Variants in SLC4A4 observed in about 807,000 individuals in gnomAD.
SLC4A4 encodes the protein solute carrier family 4 member 4.
SLC4A4 carries 27 observed loss-of-function variants against 111.5 expected under a neutral mutation model. That is an observed-to-expected ratio of 0.24 (90% CI 0.18 to 0.33). SLC4A4 has a LOEUF of 0.33. SLC4A4 is among the 10% of genes least tolerant of loss of function. The probability of loss-of-function intolerance (pLI) is 1.00; values close to 1 mark genes in which losing one functional copy is unlikely to be tolerated. For synonymous variants in SLC4A4, 443 were observed against 463.4 expected, an observed-to-expected ratio of 0.96 and a Z score of 0.57; for missense variants, 909 against 1,315.5, an observed-to-expected ratio of 0.69 and a Z score of 4.78.
intron 6 of SLC4A4, among the ~76,000 whole-genome samples, chr4:71,366,866 T>C (rs1731383865): frequency 6.6e-6 from 1 of 152,124 alleles, no homozygotes; most frequent in African/African-American, 2.4e-5. Context: ...ACACAGAGGG[T>C]CCAACAAATC....
At chr4:71,148,845 T>C in intron 2 of SLC4A4, among the ~76,000 whole-genome samples, 1 of 152,202 alleles carries the variant, frequency 6.6e-6, no homozygotes, top group East Asian at 1.9e-4. Context: ...TTGTGAATAG[T>C]GTACATATGC....
intron 16 of SLC4A4, among the ~76,000 whole-genome samples, chr4:71,512,765 G>T (rs147286943): frequency 6.6e-6 from 1 of 152,110 alleles, no homozygotes; most frequent in African/African-American, 2.4e-5. Flanking sequence ...TTATAGTTTT[G>T]GGTCTTACAT....
intron 1 of SLC4A4, among the ~76,000 whole-genome samples, chr4:71,075,793 G>A (rs1169136938): frequency 1.3e-5 from 2 of 151,808 alleles, no homozygotes; most frequent in African/African-American, 4.8e-5. Flanking sequence ...GTGAAACCCC[G>A]TCCCCACTAA....
At chr4:71,135,862 C>G (rs1743829615) in intron 2 of SLC4A4, among the ~76,000 whole-genome samples, 1 of 152,046 alleles carries the variant, frequency 6.6e-6, no homozygotes, top group Non-Finnish European at 1.5e-5. Flanking sequence ...TTCATTGAAA[C>G]CCAGGGAAGA....
At position 71,451,287 on chromosome 4, in the gene SLC4A4, G is replaced by A. The variant is rs1370124409; in HGVS notation, c.1308G>A (p.Leu436=). 4 of 1,607,824 alleles carry A rather than the reference G, an allele frequency of 2.5e-6. No individual in the cohort carries two copies. Among genetic ancestry groups the A allele is most frequent in the African/African-American group, 2.7e-5 (2 of 74,922 alleles). Residue 436 remains leucine, a synonymous_variant, in exon 11 of 26, where the codon TTG becomes TTA. Coordinates refer to ENST00000264485, the MANE Select transcript of SLC4A4 (RefSeq NM_001098484.3). ...GGGGHGDCEE[L]QRTGRFCGGL... ...GAGGACATGGGGATTGTGAAGAATT[G>A]CAGCGAACTGGACGGTAACTGACAG...
intron 2 of SLC4A4, among the ~76,000 whole-genome samples, chr4:71,095,275 T>C (rs1043033277): frequency 6.6e-6 from 1 of 152,116 alleles, no homozygotes; most frequent in Non-Finnish European, 1.5e-5. Flanking sequence ...TTTGATCACA[T>C]AAGAGCAGAG....
intron 16 of SLC4A4, among the ~76,000 whole-genome samples, chr4:71,515,623 A>C (rs778348579): frequency 6.6e-6 from 1 of 152,130 alleles, no homozygotes; most frequent in Non-Finnish European, 1.5e-5. Flanking sequence ...CAGGTCTAGT[A>C]ATATTTGCTT....
chr4:71,212,713 C>A (rs986895530), intron 1 of SLC4A4, among the ~76,000 whole-genome samples: 1 of 152,080 alleles, frequency 6.6e-6, no homozygotes, highest in African/African-American at 2.4e-5. Context: ...AATAGGGTAG[C>A]AGGTTTAGTT....
chr4:71,412,990 C>G (rs1295456845), intron 7 of SLC4A4, among the ~76,000 whole-genome samples: 1 of 152,072 alleles, frequency 6.6e-6, no homozygotes, highest in Non-Finnish European at 1.5e-5. Flanking sequence ...GTTAAGTAAC[C>G]ATAACCTACT....
chr4:71,209,228 G>A (rs1239780257), intron 1 of SLC4A4, among the ~76,000 whole-genome samples: 1 of 152,170 alleles, frequency 6.6e-6, no homozygotes, highest in Non-Finnish European at 1.5e-5. Flanking sequence ...AGTGTATTAT[G>A]TCTAACTTTT....
At chr4:71,556,980 C>G (rs1736530754) in intron 21 of SLC4A4, among the ~76,000 whole-genome samples, 1 of 152,034 alleles carries the variant, frequency 6.6e-6, no homozygotes. Context: ...CTGGCAAGGT[C>G]AATTCGGCAG....
intron 16 of SLC4A4, among the ~76,000 whole-genome samples, chr4:71,498,427 G>C (rs1393195682): frequency 6.6e-6 from 1 of 152,132 alleles, no homozygotes; most frequent in Non-Finnish European, 1.5e-5. Context: ...TAGGATGTCA[G>C]TATTTCTTAG....
intron 14 of SLC4A4, among the ~76,000 whole-genome samples, chr4:71,474,129 A>G (rs947399646): frequency 6.6e-6 from 1 of 151,798 alleles, no homozygotes; most frequent in African/African-American, 2.4e-5. Context: ...AAAAAAAAAA[A>G]AAAAAGAGAA....
intron 14 of SLC4A4, among the ~76,000 whole-genome samples, chr4:71,476,322 A>C (rs966294453): frequency 2.6e-5 from 4 of 151,802 alleles, no homozygotes; most frequent in African/African-American, 9.7e-5. Context: ...AGTTGCATAT[A>C]GAGCTCAAGT....
At chr4:71,149,179 G>C (rs1744253826) in intron 2 of SLC4A4, among the ~76,000 whole-genome samples, 1 of 152,180 alleles carries the variant, frequency 6.6e-6, no homozygotes, top group South Asian at 2.1e-4. Context: ...TACTCAGTGA[G>C]TTTAATTAGA....
At chr4:71,244,479 G>GT (rs1374922088) in intron 2 of SLC4A4, among the ~76,000 whole-genome samples, 1 of 152,100 alleles carries the variant, frequency 6.6e-6, no homozygotes, top group Admixed American at 6.6e-5. Context: ...CTGAATCTCA[G>GT]TTTTTTGTAC....
At chr4:71,154,942 T>A (rs147752406) in intron 2 of SLC4A4, among the ~76,000 whole-genome samples, 2 of 152,326 alleles carry the variant, frequency 1.3e-5, no homozygotes, top group Admixed American at 1.3e-4. Flanking sequence ...CATTCATAAT[T>A]CCTTTTATTC....
rs574698637 is a variant in SLC4A4, at chr4:71,095,435, A to G, written c.-2+2643A>G. Among the ~76,000 whole-genome samples, 18 of 152,318 alleles carry G rather than the reference A, an allele frequency of 1.2e-4. No homozygotes were observed. The South Asian group carries it at 2.9e-3, about 25-fold the overall frequency. On this transcript the variant is annotated intron_variant, in intron 2 of 26. Transcript: ENST00000649996. ...GGTGGGGAGTTCTGATTATTTAGCA[A>G]AAGAGTTTGCTCCAGGATTAAGAAA...
At chr4:71,091,296 G>A (rs71599980) in intron 1 of SLC4A4, among the ~76,000 whole-genome samples, 13,458 of 148,222 alleles carry the variant, frequency 0.091, 763 homozygotes, top group African/African-American at 0.16. Flanking sequence ...TTTGTTGCCC[G>A]GGCTGGAGTG....
Sources: gnomAD v4.1 joint callset for allele counts (sites outside exome capture counted in the v4.1 genomes callset) on GRCh38, gnomAD v4.1.1 for gene constraint, MANE v1.5 for transcripts, NCBI Gene and HGNC (gene_info 2026-07-23, HGNC 2026-07-21) for gene names.